The following TRPM8 variants were observed in gnomAD, a reference collection of about 807,000 sequenced individuals.
TRPM8 encodes transient receptor potential cation channel subfamily M member 8, also known as TRPM8 cationic channel.
Under a neutral mutation model 133.7 loss-of-function variants are expected in TRPM8, and 110 were observed. That is an observed-to-expected ratio of 0.82 (90% confidence interval 0.70 to 0.96). The LOEUF is 0.96. TRPM8 is among the 40% of genes least tolerant of loss of function. TRPM8 has a pLI of 0.00. For missense variants in TRPM8, 1,291 were observed against 1,379.5 expected, an observed-to-expected ratio of 0.94 and a Z score of 1.02; for synonymous variants, 535 against 532.3, an observed-to-expected ratio of 1.01 and a Z score of -0.07.
intron 24 of TRPM8, among the ~76,000 whole-genome samples, chr2:234,011,956 T>C (rs1385418509): frequency 1.3e-5 from 2 of 151,782 alleles, no homozygotes; most frequent in Non-Finnish European, 2.9e-5. Flanking sequence ...ATCAATGTTT[T>C]ATAATTTCCA....
At position 233,941,678 on chromosome 2, in the gene TRPM8, G is replaced by T. The variant is rs1407734060; in HGVS notation, c.527-898G>T. ...TACACTAGGGTCATTTCCAACTTTA[G>T]ATTCAGTTTTATGCTAAAAAATATT... On this transcript the variant is annotated intron_variant, in intron 5 of 25. Coordinates refer to ENST00000324695, the MANE Select transcript of TRPM8 (RefSeq NM_024080.5). 2.6e-5 allele frequency among the ~76,000 whole-genome samples: 4 copies of T among 152,092 alleles called. No homozygotes were observed. In the East Asian group the frequency reaches 7.7e-4, roughly 29 times the overall value.
chr2:233,963,381 A>G lies in TRPM8; in HGVS notation c.1749+4A>G, dbSNP rs765681589. The G allele has an allele frequency of 1.1e-5, 17 of 1,595,214 alleles. No homozygotes were observed. In the East Asian group the frequency reaches 2.9e-4, roughly 27 times the overall value. On this transcript the variant is annotated splice_donor_region_variant and intron_variant, in intron 13 of 25. Transcript: ENST00000324695. ...CTCCAAAGTCATTTGGGAGCAGGTA[A>G]GTGCCCAAGCCCACATCAGATTTAC...
intron 14 of TRPM8, chr2:233,966,198 G>A (rs116732253): frequency 2.5e-3 from 390 of 156,234 alleles, no homozygotes; most frequent in East Asian, 0.021. Flanking sequence ...CCAAGAAGGC[G>A]TAGAGTTCAA....
rs549860272 is a variant in TRPM8, at chr2:233,959,128, C to T, written c.1363-1648C>T. Among the ~76,000 whole-genome samples, 50 of 152,226 alleles carry T rather than the reference C, an allele frequency of 3.3e-4. 1 individual carries two copies. Among genetic ancestry groups the T allele is most frequent in the Non-Finnish European group, 6.0e-4 (41 of 68,010 alleles). On this transcript the variant is annotated intron_variant, in intron 11 of 25. Transcript: ENST00000324695. ...GCAACCTCCGCCTCCCAGGTTCAAG[C>T]GATTCTCCTGCCTCAGCCTCCGGAG...
intron 21 of TRPM8, among the ~76,000 whole-genome samples, chr2:233,992,076 C>T (rs562338063): frequency 6.6e-6 from 1 of 152,190 alleles, no homozygotes; most frequent in South Asian, 2.1e-4. Context: ...AATTTGTTTC[C>T]AGCCACTTAT....
At chr2:233,979,693 T>C (rs1447324821) in intron 17 of TRPM8, among the ~76,000 whole-genome samples, 1 of 152,274 alleles carries the variant, frequency 6.6e-6, no homozygotes, top group Admixed American at 6.5e-5. Flanking sequence ...ACAGAAGTTA[T>C]ATACAGCACT....
intron 17 of TRPM8, among the ~76,000 whole-genome samples, chr2:233,977,223 G>A (rs777020191): frequency 6.6e-6 from 1 of 152,152 alleles, no homozygotes; most frequent in Non-Finnish European, 1.5e-5. Flanking sequence ...TATTTAAAAT[G>A]GATGAGTCCC....
chr2:233,991,344 C>G (rs1477631256), intron 21 of TRPM8, among the ~76,000 whole-genome samples: 1 of 152,198 alleles, frequency 6.6e-6, no homozygotes, highest in Non-Finnish European at 1.5e-5. Flanking sequence ...CTTGTCATCT[C>G]TTACTGCTGG....
chr2:233,982,031 A>G (rs1692023589), intron 19 of TRPM8, 116 bp downstream of exon 19: 4 of 1,176,538 alleles, frequency 3.4e-6, no homozygotes, highest in South Asian at 1.8e-5. Flanking sequence ...CATCAGTAAC[A>G]TTCGCTTTCT....
chr2:234,014,614 A>C lies in TRPM8; in HGVS notation c.*2A>C. Reference sequence around the variant, plus strand: ...GAGATTGCTAATAAAATCAAATAAAACTGTATGAACTCTAATGGAGAAAAA... The same window carrying C: ...GAGATTGCTAATAAAATCAAATAAACCTGTATGAACTCTAATGGAGAAAAA... On this transcript the variant is annotated 3_prime_UTR_variant, in exon 25 of 26. Coordinates refer to ENST00000324695, the MANE Select transcript of TRPM8 (RefSeq NM_024080.5). 1 of 1,514,948 alleles carries C rather than the reference A, an allele frequency of 6.6e-7. No homozygotes were observed. The highest frequency in any genetic ancestry group is 1.9e-4 in the Middle Eastern group (1 of 5,292). The allele number at this position is 1,514,948 out of a possible 1,614,324, so 93.8% of individuals were successfully genotyped here. A position where few individuals can be genotyped will look rare whatever the true frequency, so the allele number is the denominator to read the frequency against.
intron 2 of TRPM8, among the ~76,000 whole-genome samples, chr2:233,927,946 C>CTCTT (rs1559516761): frequency 2.6e-5 from 2 of 77,886 alleles, no homozygotes; most frequent in East Asian, 5.5e-4. Flanking sequence ...CTCTCTCTCT[C>CTCTT]TCTCTCTCTC....
At chr2:233,923,476 T>C (rs892803759) in intron 1 of TRPM8, among the ~76,000 whole-genome samples, 2 of 152,028 alleles carry the variant, frequency 1.3e-5, no homozygotes, top group Non-Finnish European at 2.9e-5. Flanking sequence ...TGGGCTAAAG[T>C]GGAGGGACAC....
intron 17 of TRPM8, among the ~76,000 whole-genome samples, chr2:233,976,868 G>A (rs779418274): frequency 6.6e-6 from 1 of 152,108 alleles, no homozygotes; most frequent in South Asian, 2.1e-4. Context: ...GACACTTGGG[G>A]TCACTGTTTC....
At chr2:234,016,307 GACA>G (rs1692954670) in intron 25 of TRPM8, among the ~76,000 whole-genome samples, 1 of 152,148 alleles carries the variant, frequency 6.6e-6, no homozygotes, top group African/African-American at 2.4e-5. Context: ...TGGCCTCAGA[GACA>G]ACAAATTTGG....
Position 233,989,781 on chromosome 2 carries a change from T to G in TRPM8, c.2939+3916T>G, listed in dbSNP as rs546565475. ...AATGGATGTGAACATCTGTGATTAT[T>G]CTACATTAAAATTATCGATCACAGG... On this transcript the variant is annotated intron_variant, in intron 21 of 25. Coordinates refer to ENST00000324695, the MANE Select transcript of TRPM8 (RefSeq NM_024080.5). This position sits in a 1 kb window ranked among gnomAD's most constrained non-coding sequence, Gnocchi z 4.2. Among the ~76,000 whole-genome samples the G allele has an allele frequency of 9.2e-5, 14 of 152,354 alleles. No individual in the cohort carries two copies. The highest frequency in any genetic ancestry group is 6.8e-3 in the Middle Eastern group (2 of 294).
chr2:233,943,021 T>C (rs2125104990), intron 6 of TRPM8: 2 of 544,926 alleles, frequency 3.7e-6, no homozygotes, highest in East Asian at 6.4e-5. Context: ...TCTTCATAAC[T>C]ATGGCTTACA....
In TRPM8 at chr2:233,961,065, A is replaced by G. The variant is rs1261012084; in HGVS notation, c.1652A>G (p.His551Arg). Residue 551 changes from histidine (H) to arginine (R), a missense_variant and splice_region_variant, in exon 12 of 26, where the codon CAC (histidine) becomes CGC (arginine). Transcript: ENST00000324695. ...NGRDEMDIEL[H>R]DVSPITRHPL... is the part of the protein sequence containing the mutation. ...CGGGACGAGATGGACATAGAACTCC[A>G]CGTAGGTACTGGGAGAGTTGCCTGC... 1 of 1,613,148 alleles carries G rather than the reference A, an allele frequency of 6.2e-7. No individual in the cohort carries two copies. Among genetic ancestry groups the G allele is most frequent in the East Asian group, 2.2e-5 (1 of 44,880 alleles).
chr2:234,004,155 G>A (rs6758653), intron 22 of TRPM8, among the ~76,000 whole-genome samples: 53,791 of 151,998 alleles, frequency 0.35, 9,559 homozygotes, highest in East Asian at 0.51. Context: ...GGAGAGTGGC[G>A]ATCTCATAAT....
At chr2:234,001,017 G>C (rs569175135) in intron 22 of TRPM8, among the ~76,000 whole-genome samples, 5 of 152,322 alleles carry the variant, frequency 3.3e-5, no homozygotes, top group African/African-American at 1.2e-4. Context: ...ATGAAGAGTG[G>C]AAGGTTGTGG....
Sources: gnomAD v4.1 joint callset for allele counts (sites outside exome capture counted in the v4.1 genomes callset) on GRCh38, gnomAD v4.1.1 for gene constraint, Gnocchi (gnomAD v3.1) non-coding constraint, MANE v1.5 for transcripts, NCBI Gene and HGNC (gene_info 2026-07-23, HGNC 2026-07-21) for gene names.